The following CFAP61 variants were observed in gnomAD, a reference collection of about 807,000 sequenced individuals.
CFAP61 encodes the protein cilia- and flagella-associated protein 61.
Under a neutral mutation model 135.6 loss-of-function variants are expected in CFAP61, and 107 were observed. That is an observed-to-expected ratio of 0.79 (90% CI 0.67 to 0.93). CFAP61 has a LOEUF of 0.93. Among genes scored for constraint, CFAP61 ranks in the 40% least tolerant of loss-of-function variants. CFAP61 has a pLI of 0.00. For missense variants in CFAP61, 1,507 were observed against 1,556.2 expected (o/e 0.97, Z 0.53); for synonymous variants, 575 against 578.5 (o/e 0.99, Z 0.09).
chr20:20,102,302 C>CA (rs1167017089), intron 8 of CFAP61, among the ~76,000 whole-genome samples: 1 of 152,196 alleles, frequency 6.6e-6, no homozygotes, highest in East Asian at 1.9e-4. Flanking sequence ...TCTTTTCCTA[C>CA]CAGCTGTGAA....
At chr20:20,232,287 GAACTCCTCA>G (rs1329539513) in intron 18 of CFAP61, among the ~76,000 whole-genome samples, 1 of 151,968 alleles carries the variant, frequency 6.6e-6, no homozygotes, top group Non-Finnish European at 1.5e-5. Context: ...TAGCATTGCT[GAACTCCTCA>G]ACTGCAGTGC....
chr20:20,118,338 C>T (rs1600750635), intron 8 of CFAP61, among the ~76,000 whole-genome samples: 1 of 131,800 alleles, frequency 7.6e-6, no homozygotes, highest in Non-Finnish European at 1.6e-5. Context: ...CTCTGTCTTT[C>T]TTCTTCTTTT....
chr20:20,278,916 A>G (rs1276582911), intron 22 of CFAP61, among the ~76,000 whole-genome samples: 1 of 152,340 alleles, frequency 6.6e-6, no homozygotes, highest in East Asian at 1.9e-4. Flanking sequence ...TAGGGATGTA[A>G]CAGTGAAAAA....
intron 25 of CFAP61, among the ~76,000 whole-genome samples, chr20:20,309,983 T>A (rs2056725306): frequency 6.6e-6 from 1 of 152,108 alleles, no homozygotes; most frequent in South Asian, 2.1e-4. Flanking sequence ...TCAACCTTAT[T>A]AATTAACTTT....
intron 8 of CFAP61, among the ~76,000 whole-genome samples, chr20:20,119,135 C>G (rs2876566): frequency 0.62 from 94,356 of 151,960 alleles, 29,449 homozygotes; most frequent in East Asian, 0.83. Context: ...TGTCCTCATA[C>G]AATGAGTTTA....
chr20:20,186,648 C>T (rs575932920), intron 13 of CFAP61, among the ~76,000 whole-genome samples: 1 of 152,202 alleles, frequency 6.6e-6, no homozygotes, highest in East Asian at 1.9e-4. Flanking sequence ...TAAAATTGCT[C>T]ATAAACATTA....
intron 17 of CFAP61, among the ~76,000 whole-genome samples, chr20:20,204,179 AAATC>A (rs2056759049): frequency 6.6e-6 from 1 of 152,208 alleles, no homozygotes; most frequent in South Asian, 2.1e-4. Flanking sequence ...TTTCAGAACT[AAATC>A]AACCCTTCAT....
intron 26 of CFAP61, among the ~76,000 whole-genome samples, chr20:20,343,555 GC>G (rs1239930894): frequency 1.3e-5 from 2 of 152,182 alleles, no homozygotes; most frequent in African/African-American, 4.8e-5. Flanking sequence ...TTAACCCAGG[GC>G]TGCAGGAGGC....
chr20:20,207,347 G>A (rs2056900551), intron 17 of CFAP61, among the ~76,000 whole-genome samples: 1 of 152,192 alleles, frequency 6.6e-6, no homozygotes, highest in Non-Finnish European at 1.5e-5. Flanking sequence ...AGGATTTCCT[G>A]GATGCTGATC....
intron 6 of CFAP61, among the ~76,000 whole-genome samples, chr20:20,090,084 T>A (rs1489215473): frequency 6.6e-6 from 1 of 152,216 alleles, no homozygotes; most frequent in Non-Finnish European, 1.5e-5. Context: ...AATATCATAG[T>A]GGTGTTTCTT....
At chr20:20,274,934 T>C (rs1309265435) in intron 21 of CFAP61, among the ~76,000 whole-genome samples, 1 of 152,228 alleles carries the variant, frequency 6.6e-6, no homozygotes, top group Non-Finnish European at 1.5e-5. Flanking sequence ...TCATCTCCCA[T>C]ATGACCATGC....
intron 8 of CFAP61, among the ~76,000 whole-genome samples, chr20:20,131,639 T>C (rs2050534661): frequency 6.6e-6 from 1 of 151,978 alleles, no homozygotes; most frequent in African/African-American, 2.4e-5. Context: ...TTCTTTTCTT[T>C]CCTTTATTAG....
At chr20:20,057,933 G>T (rs2146534956) in intron 2 of CFAP61, among the ~76,000 whole-genome samples, 1 of 152,176 alleles carries the variant, frequency 6.6e-6, no homozygotes, top group South Asian at 2.1e-4. Context: ...TCATCATGTT[G>T]GCCAGGCTGG....
intron 1 of CFAP61, chr20:20,056,023 C>T: frequency 6.2e-7 from 1 of 1,600,790 alleles, no homozygotes; most frequent in Non-Finnish European, 8.5e-7. Flanking sequence ...ATTAGAGATT[C>T]TCTTCCCAAA....
chr20:20,062,223 A>G (rs1178729606), intron 2 of CFAP61, among the ~76,000 whole-genome samples: 2 of 152,144 alleles, frequency 1.3e-5, no homozygotes, highest in Admixed American at 6.5e-5. Context: ...CACAAGACAC[A>G]TGAGGGAAAA....
chr20:20,230,289 A>G (rs761797389), intron 18 of CFAP61, among the ~76,000 whole-genome samples: 11 of 152,222 alleles, frequency 7.2e-5, no homozygotes, highest in Non-Finnish European at 1.0e-4. Context: ...ATAGACTGGT[A>G]TCAGTTTACA....
At chr20:20,153,534 A>G (rs1015751630) in intron 9 of CFAP61, among the ~76,000 whole-genome samples, 4 of 152,252 alleles carry the variant, frequency 2.6e-5, no homozygotes, top group Middle Eastern at 3.4e-3. Flanking sequence ...GAAATTTCTA[A>G]TTGATATTAC....
At chr20:20,140,716 A>G (rs1473318899) in intron 8 of CFAP61, among the ~76,000 whole-genome samples, 1 of 53,638 alleles carries the variant, frequency 1.9e-5, no homozygotes, top group Non-Finnish European at 4.3e-5. Flanking sequence ...ATTACTGGGT[A>G]TATACCCAAA....
At chr20:20,196,386 A>C (rs1225290387) in intron 15 of CFAP61, among the ~76,000 whole-genome samples, 184 bp from the exon 16 acceptor site, 2 of 152,244 alleles carry the variant, frequency 1.3e-5, no homozygotes, top group Non-Finnish European at 2.9e-5. Flanking sequence ...CAGAACAACT[A>C]GCACTCAGGA....
Sources: gnomAD v4.1 joint callset for allele counts (sites outside exome capture counted in the v4.1 genomes callset) on GRCh38, gnomAD v4.1.1 for gene constraint, MANE v1.5 for transcripts, NCBI Gene and HGNC (gene_info 2026-07-23, HGNC 2026-07-21) for gene names.